FRMPD4: variants seen among roughly 807,000 people sequenced by gnomAD.
FRMPD4 encodes the protein FERM and PDZ domain containing 4.
A neutral mutation model predicts 94.1 loss-of-function variants in FRMPD4; 22 were observed. That is an observed-to-expected ratio of 0.23 (90% CI 0.17 to 0.33). The LOEUF (loss-of-function observed/expected upper bound fraction) is 0.33. Ranked by LOEUF, FRMPD4 falls within the 10% of genes least tolerant of loss-of-function variation. The pLI, the probability that FRMPD4 is intolerant of heterozygous loss-of-function variation, is 1.00. For missense variants in FRMPD4, 1,111 were observed against 1,339.9 expected, an observed-to-expected ratio of 0.83 and a Z score of 2.67; for synonymous variants, 631 against 548.6, an observed-to-expected ratio of 1.15 and a Z score of -2.10.
chrX:12,453,182 A>G (rs746458762), intron 1 of FRMPD4, among the ~76,000 whole-genome samples: 37 of 111,383 alleles, frequency 3.3e-4, no homozygotes, highest in Non-Finnish European at 6.4e-4. Context: ...AAAATTTCCT[A>G]CAGTAGGCAG....
intron 4 of FRMPD4, among the ~76,000 whole-genome samples, chrX:12,618,628 A>T (rs1430027239): frequency 9.0e-6 from 1 of 111,028 alleles, no homozygotes; most frequent in Non-Finnish European, 1.9e-5. Context: ...ATGGACACTC[A>T]CTTTCCAACC....
chrX:12,463,119 T>C (rs2057407510), intron 1 of FRMPD4, among the ~76,000 whole-genome samples: 1 of 112,277 alleles, frequency 8.9e-6, no homozygotes, highest in Admixed American at 9.4e-5. Flanking sequence ...AAGTACCCTT[T>C]ATGAAGAACA....
intron 4 of FRMPD4, among the ~76,000 whole-genome samples, chrX:12,655,919 G>A (rs1344486064): frequency 2.7e-5 from 3 of 112,273 alleles, no homozygotes; most frequent in Non-Finnish European, 5.6e-5. Flanking sequence ...CTTAGTTTGA[G>A]TGAGTTGAAT....
chrX:12,141,070 T>C (rs766640014), intron 1 of FRMPD4, among the ~76,000 whole-genome samples: 1 of 112,323 alleles, frequency 8.9e-6, no homozygotes, highest in East Asian at 2.8e-4. Flanking sequence ...TAAAAACACA[T>C]GTTTGCAGTT....
At chrX:12,130,135 A>AGAGAGAGAGAGAG (rs778286325) in intron 3 of FRMPD4, among the ~76,000 whole-genome samples, 9 of 103,643 alleles carry the variant, frequency 8.7e-5, no homozygotes, top group South Asian at 4.5e-4. Flanking sequence ...AGAGAGAGAG[A>AGAGAGAGAGAGAG]AGGTGGAGGC....
intron 1 of FRMPD4, among the ~76,000 whole-genome samples, chrX:12,279,104 T>G (rs1340361163): frequency 8.8e-6 from 1 of 113,156 alleles, no homozygotes; most frequent in East Asian, 2.8e-4. Context: ...AATCTTTGCC[T>G]TAGGGCCTGC....
At chrX:12,515,184 T>G (rs1296755017) in intron 2 of FRMPD4, among the ~76,000 whole-genome samples, 6 of 111,921 alleles carry the variant, frequency 5.4e-5, no homozygotes, top group Admixed American at 4.8e-4. Flanking sequence ...AAAATGTGTT[T>G]TCATGTCTCT....
intron 4 of FRMPD4, among the ~76,000 whole-genome samples, chrX:12,643,461 G>A (rs1210831815): frequency 2.7e-5 from 3 of 111,665 alleles, no homozygotes; most frequent in Non-Finnish European, 5.6e-5. Flanking sequence ...CACCCTGGCC[G>A]TGCTACATGG....
At chrX:12,329,885 A>G (rs1968559099) in intron 1 of FRMPD4, among the ~76,000 whole-genome samples, 1 of 109,127 alleles carries the variant, frequency 9.2e-6, no homozygotes, top group African/African-American at 3.3e-5. Flanking sequence ...CAACAACAAC[A>G]ACTTAAATCT....
At chrX:12,459,113 T>TA (rs1438965522) in intron 1 of FRMPD4, among the ~76,000 whole-genome samples, 1 of 111,493 alleles carries the variant, frequency 9.0e-6, no homozygotes, top group African/African-American at 3.3e-5. Context: ...TCTTTTCAGG[T>TA]AAATTTCTGC....
chrX:12,029,648 G>T (rs2054680318), intron 3 of FRMPD4, among the ~76,000 whole-genome samples: 1 of 111,567 alleles, frequency 9.0e-6, no homozygotes, highest in African/African-American at 3.3e-5. Context: ...TTTTTGAAGG[G>T]TGTAAAGTCT....
At chrX:11,987,597 A>G (rs1323528848) in intron 3 of FRMPD4, among the ~76,000 whole-genome samples, 2 of 111,401 alleles carry the variant, frequency 1.8e-5, no homozygotes, top group East Asian at 2.8e-4. Flanking sequence ...AAAGAAATAA[A>G]TGGTACCCGA....
At chrX:12,652,926 G>C (rs1159825107) in intron 4 of FRMPD4, among the ~76,000 whole-genome samples, 1 of 111,859 alleles carries the variant, frequency 8.9e-6, no homozygotes, top group Non-Finnish European at 1.9e-5. Flanking sequence ...AAAGTCTAAA[G>C]TCAGGCAAGT....
At chrX:12,024,586 A>G (rs1039269738) in intron 3 of FRMPD4, among the ~76,000 whole-genome samples, 1 of 112,170 alleles carries the variant, frequency 8.9e-6, no homozygotes. Flanking sequence ...TTGTTTTCAC[A>G]TTTTAGAAAG....
chrX:12,051,272 T>G (rs896472288), intron 3 of FRMPD4, among the ~76,000 whole-genome samples: 7 of 111,520 alleles, frequency 6.3e-5, no homozygotes, highest in African/African-American at 9.7e-5. Flanking sequence ...AGATGGGTGA[T>G]GAGTACATAA....
At chrX:12,587,980 T>C in intron 2 of FRMPD4, among the ~76,000 whole-genome samples, 1 of 111,909 alleles carries the variant, frequency 8.9e-6, no homozygotes, top group Non-Finnish European at 1.9e-5. Context: ...GCAATTAAGA[T>C]AATTGGTTTT....
intron 1 of FRMPD4, among the ~76,000 whole-genome samples, chrX:12,188,817 A>G (rs1411869645): frequency 2.7e-5 from 3 of 111,777 alleles, no homozygotes; most frequent in African/African-American, 9.7e-5. Flanking sequence ...ATCAAATTAT[A>G]GCATTCAAGA....
At chrX:12,081,080 C>G (rs1421229430) in intron 3 of FRMPD4, among the ~76,000 whole-genome samples, 1 of 111,732 alleles carries the variant, frequency 8.9e-6, no homozygotes, top group Non-Finnish European at 1.9e-5. Flanking sequence ...TAGTACAGAG[C>G]ACATGACCCA....
chrX:12,174,501 G>C (rs1195282539), intron 1 of FRMPD4, among the ~76,000 whole-genome samples: 1 of 111,806 alleles, frequency 8.9e-6, no homozygotes, highest in East Asian at 2.8e-4. Context: ...TTGTTTGTCT[G>C]TGGTTTTTAA....
Sources: gnomAD v4.1 joint callset for allele counts (sites outside exome capture counted in the v4.1 genomes callset) on GRCh38, gnomAD v4.1.1 for gene constraint, MANE v1.5 for transcripts, NCBI Gene and HGNC (gene_info 2026-07-23, HGNC 2026-07-21) for gene names.